Variants in EGFLAM observed in about 807,000 individuals in gnomAD.
The protein encoded by EGFLAM is pikachurin.
EGFLAM carries 79 observed loss-of-function variants against 113.1 expected under a neutral mutation model. The ratio of observed to expected loss-of-function variants is 0.70; its 90% CI spans 0.58 to 0.84. The LOEUF (loss-of-function observed/expected upper bound fraction) is 0.84, where lower values mean the gene tolerates loss of function less well. Ranked by LOEUF, EGFLAM falls within the 40% of genes least tolerant of loss-of-function variation. The probability of loss-of-function intolerance (pLI) is 0.00; values close to 1 mark genes in which losing one functional copy is unlikely to be tolerated. For missense variants in EGFLAM, 1,265 were observed against 1,291.6 expected, an observed-to-expected ratio of 0.98 and a Z score of 0.32; for synonymous variants, 504 against 487.6, an observed-to-expected ratio of 1.03 and a Z score of -0.44.
intron 11 of EGFLAM, 131 bp from the exon 12 acceptor site, chr5:38,417,929 TTAAAGA>T: frequency 1.1e-6 from 1 of 896,182 alleles, no homozygotes; most frequent in South Asian, 1.9e-5. Context: ...AGGCAAGGTC[TTAAAGA>T]TAAATACAGA....
intron 3 of EGFLAM, among the ~76,000 whole-genome samples, chr5:38,343,692 A>G (rs1739403264): frequency 1.3e-5 from 2 of 152,206 alleles, no homozygotes; most frequent in Non-Finnish European, 2.9e-5. Context: ...TGGAGGAAGG[A>G]TGCTTGGAAG....
In EGFLAM at chr5:38,312,417, A is replaced by G. The variant is rs184462053; in HGVS notation, c.98-25103A>G. Among the ~76,000 whole-genome samples the G allele has an allele frequency of 4.2e-3, 637 of 151,498 alleles. 7 individuals carry two copies. Among genetic ancestry groups the G allele is most frequent in the Middle Eastern group, 0.017 (5 of 290 alleles). On this transcript the variant is annotated intron_variant, in intron 1 of 21. Transcript: ENST00000322350. Reference sequence around the variant, plus strand: ...CCACCTCGCCTGGCTAATTTTTTGTATTTTTAGAGAGACGGGGTTTCACCA... The same window carrying G: ...CCACCTCGCCTGGCTAATTTTTTGTGTTTTTAGAGAGACGGGGTTTCACCA...
chr5:38,416,807 C>T (rs765023724), intron 11 of EGFLAM, among the ~76,000 whole-genome samples: 1 of 152,122 alleles, frequency 6.6e-6, no homozygotes, highest in Non-Finnish European at 1.5e-5. Context: ...TGGCAAACAG[C>T]GTAACCTGAC....
chr5:38,425,156 T>C (rs1741957511), intron 13 of EGFLAM, 64 bp downstream of exon 13: 2 of 1,569,518 alleles, frequency 1.3e-6, no homozygotes, highest in Admixed American at 3.7e-5. Context: ...ATGTACTTTA[T>C]CATCAATATA....
chr5:38,361,395 T>C (rs1739917421), intron 5 of EGFLAM, among the ~76,000 whole-genome samples: 1 of 152,188 alleles, frequency 6.6e-6, no homozygotes, highest in Non-Finnish European at 1.5e-5. Flanking sequence ...GTCTTCCTCT[T>C]GGAACATGAA....
At chr5:38,273,286 C>T (rs551913221) in intron 1 of EGFLAM, among the ~76,000 whole-genome samples, 20 of 152,292 alleles carry the variant, frequency 1.3e-4, no homozygotes, top group East Asian at 1.2e-3. Flanking sequence ...CTACACAGCC[C>T]GATGACAGGC....
intron 12 of EGFLAM, among the ~76,000 whole-genome samples, chr5:38,422,468 C>G (rs1741860048): frequency 1.3e-5 from 2 of 152,176 alleles, no homozygotes; most frequent in Admixed American, 6.5e-5. Context: ...CTGCAGCCCC[C>G]TTTGGTGGTC....
chr5:38,426,913 A>G (rs1742028169), intron 13 of EGFLAM, 96 bp from the exon 14 acceptor site: 2 of 1,521,902 alleles, frequency 1.3e-6, no homozygotes, highest in Admixed American at 1.9e-5. Flanking sequence ...ATTGTAGTTT[A>G]GGTCTGTACC....
intron 18 of EGFLAM, among the ~76,000 whole-genome samples, chr5:38,450,607 A>G (rs1742881469): frequency 6.6e-6 from 1 of 152,218 alleles, no homozygotes; most frequent in Admixed American, 6.5e-5. Flanking sequence ...GTGCAAGATG[A>G]AACACTGATC....
chr5:38,351,928 G>A (rs912576589), intron 4 of EGFLAM, among the ~76,000 whole-genome samples: 1 of 152,170 alleles, frequency 6.6e-6, no homozygotes, highest in Non-Finnish European at 1.5e-5. Flanking sequence ...TGGATTTGCA[G>A]TCAGGGGTGC....
chr5:38,451,509 A>G, intron 19 of EGFLAM, 51 bp downstream of exon 19: 3 of 1,593,984 alleles, frequency 1.9e-6, no homozygotes, highest in Non-Finnish European at 1.7e-6. Context: ...TTTCTCAGAC[A>G]TTGCAGATCA....
intron 6 of EGFLAM, among the ~76,000 whole-genome samples, chr5:38,405,543 C>G (rs1486922773): frequency 6.6e-6 from 1 of 152,118 alleles, no homozygotes; most frequent in Non-Finnish European, 1.5e-5. Context: ...ATATGGTACT[C>G]CATTCTATAG....
At chr5:38,332,062 T>C (rs1739056814) in intron 1 of EGFLAM, among the ~76,000 whole-genome samples, 1 of 152,194 alleles carries the variant, frequency 6.6e-6, no homozygotes, top group South Asian at 2.1e-4. Context: ...GAGAGTCCTG[T>C]TGCTCCACAT....
chr5:38,403,830 T>G, intron 6 of EGFLAM: 2 of 1,613,744 alleles, frequency 1.2e-6, no homozygotes, highest in South Asian at 2.2e-5. Context: ...GGGCCTTTTG[T>G]GTGAAGACAT....
Position 38,275,459 on chromosome 5 carries a change from T to C in EGFLAM, c.97+16608T>C, listed in dbSNP as rs1215646932. The stretch of plus-strand genomic sequence containing the variant: ...AAAATAGACTTTAAGTCAAAAACTA[T>C]AAAAAGAGACAAAAAAGGTCGGTAT... On this transcript the variant is annotated intron_variant, in intron 1 of 21. Coordinates refer to ENST00000322350, the MANE Select transcript of EGFLAM (RefSeq NM_152403.4). 2.0e-5 allele frequency among the ~76,000 whole-genome samples: 3 copies of C among 151,890 alleles called. No homozygotes were observed. In the East Asian group the frequency reaches 5.8e-4, roughly 29 times the overall value.
At chr5:38,402,044 T>C (rs1284140957) in intron 6 of EGFLAM, 2 of 152,162 alleles carry the variant, frequency 1.3e-5, no homozygotes, top group Non-Finnish European at 2.9e-5. Flanking sequence ...TTCAGCTCTG[T>C]CTCCATAGAA....
intron 6 of EGFLAM, among the ~76,000 whole-genome samples, chr5:38,393,450 T>C (rs1271313858): frequency 6.6e-6 from 1 of 151,396 alleles, no homozygotes; most frequent in Non-Finnish European, 1.5e-5. Context: ...ACTCAGCCCA[T>C]CACTGGCCAC....
intron 6 of EGFLAM, among the ~76,000 whole-genome samples, chr5:38,378,030 G>A (rs1740410517): frequency 6.6e-6 from 1 of 152,164 alleles, no homozygotes. Flanking sequence ...TATGAGAGAT[G>A]TTTTGTTTTG....
rs533191187 is a variant in EGFLAM, at chr5:38,418,348, A to G, written c.1684+93A>G. The stretch of plus-strand genomic sequence containing the variant: ...CTTGGGCCATGGAGGGAGCAGCAAC[A>G]TTAGGTGCTACCCTGGGAAGCTGGT... On this transcript the variant is annotated intron_variant, in intron 12 of 21. Coordinates refer to ENST00000322350, the MANE Select transcript of EGFLAM (RefSeq NM_152403.4). 12 of 1,444,462 alleles carry G rather than the reference A, an allele frequency of 8.3e-6. No homozygotes were observed. In the South Asian group the frequency reaches 1.6e-4, roughly 20 times the overall value. 89.5% of individuals were successfully genotyped at this position (1,444,462 alleles called of 1,614,324 possible).
Sources: allele counts gnomAD v4.1 joint callset (sites outside exome capture counted in the v4.1 genomes callset), GRCh38; gene constraint gnomAD v4.1.1; transcripts MANE v1.5; gene names NCBI Gene and HGNC (gene_info 2026-07-23, HGNC 2026-07-21).